ELAVL3: variants seen among roughly 807,000 people sequenced by gnomAD.
ELAVL3 encodes ELAV like RNA binding protein 3, also known as ELAV-like protein 3.
ELAVL3 carries 8 observed loss-of-function variants against 34.2 expected under a neutral mutation model. The ratio of observed to expected loss-of-function variants is 0.23; its 90% CI spans 0.14 to 0.42. ELAVL3 has a LOEUF of 0.42. Ranked by LOEUF, ELAVL3 falls within the 10% of genes least tolerant of loss-of-function variation. The pLI, the probability that ELAVL3 is intolerant of heterozygous loss-of-function variation, is 1.00. For missense variants in ELAVL3, 273 were observed against 518.8 expected, an observed-to-expected ratio of 0.53 and a Z score of 4.60; for synonymous variants, 209 against 222.1, an observed-to-expected ratio of 0.94 and a Z score of 0.53.
chr19:11,471,410 C>G (rs888884612), intron 1 of ELAVL3, among the ~76,000 whole-genome samples: 4 of 148,490 alleles, frequency 2.7e-5, no homozygotes, highest in African/African-American at 9.9e-5. Context: ...TTCAGGAGTT[C>G]GAGACCAGCC....
intron 3 of ELAVL3, among the ~76,000 whole-genome samples, chr19:11,459,066 G>GC (rs1336035130): frequency 2.0e-5 from 3 of 151,278 alleles, no homozygotes; most frequent in African/African-American, 7.3e-5. Flanking sequence ...TACCGCCTAA[G>GC]CCCCGCAAGT....
At chr19:11,478,625 C>T (rs529850101) in intron 1 of ELAVL3, among the ~76,000 whole-genome samples, 5 of 152,272 alleles carry the variant, frequency 3.3e-5, no homozygotes, top group East Asian at 1.9e-4. Flanking sequence ...CTCTCTCCCT[C>T]TTTCTTCCTC....
At position 11,452,528 on chromosome 19, in the gene ELAVL3, T is replaced by C. The variant is rs1010161272; in HGVS notation, c.*1998A>G. On this transcript the variant is annotated 3_prime_UTR_variant, in exon 7 of 7. Transcript: ENST00000359227. ...ATCTCTTCTGTGTGTTTTCTTTTTT[T>C]GTTGCTTTTTTTTCCTCTTCTGTTT... The C allele has an allele frequency of 2.0e-5, 3 of 151,972 alleles. No homozygotes were observed. Among genetic ancestry groups the C allele is most frequent in the African/African-American group, 7.2e-5 (3 of 41,388 alleles). 9.4% of individuals were successfully genotyped at this position (151,972 alleles called of 1,614,324 possible). A position where few individuals can be genotyped will look rare whatever the true frequency, so the allele number is the denominator to read the frequency against.
intron 1 of ELAVL3, among the ~76,000 whole-genome samples, chr19:11,471,309 C>CAA (rs200546282): frequency 7.5e-6 from 1 of 132,956 alleles, no homozygotes; most frequent in South Asian, 2.4e-4. Context: ...GACTCCATCT[C>CAA]AAAAAAAAAA....
At position 11,457,098 on chromosome 19, in the gene ELAVL3, G is replaced by A; in HGVS notation, c.752+12C>T. ...GTGAGGGGTGGGGACAGTGGGGCGG[G>A]GTCACTGTTACCTCTTGACGCCGTA... On this transcript the variant is annotated intron_variant, in intron 6 of 6. Transcript: ENST00000359227. 6.6e-7 allele frequency: 1 copy of A among 1,513,858 alleles called. No homozygotes were observed. The highest frequency in any genetic ancestry group is 1.3e-5 in the South Asian group (1 of 75,178). The allele number at this position is 1,513,858 out of a possible 1,614,324, so 93.8% of individuals were successfully genotyped here.
intron 1 of ELAVL3, among the ~76,000 whole-genome samples, chr19:11,474,215 G>A (rs1285225772): frequency 6.6e-6 from 1 of 151,036 alleles, no homozygotes; most frequent in African/African-American, 2.4e-5. Flanking sequence ...TTAATTTTTT[G>A]TAGAGATGGG....
At chr19:11,472,712 AAAGAAG>A (rs906213049) in intron 1 of ELAVL3, among the ~76,000 whole-genome samples, 4 of 151,924 alleles carry the variant, frequency 2.6e-5, no homozygotes, top group East Asian at 1.9e-4. Flanking sequence ...CAAAAAAGAA[AAAGAAG>A]AAGAAGAAGA....
chr19:11,480,258 T>TCTGGTGCGGCC lies in ELAVL3; in HGVS notation c.9+341_9+342insGGCCGCACCAG. 3.4e-6 allele frequency: 1 copy of TCTGGTGCGGCC among 294,514 alleles called. No individual in the cohort carries two copies. Among genetic ancestry groups the TCTGGTGCGGCC allele is most frequent in the Non-Finnish European group, 6.3e-6 (1 of 159,402 alleles). The allele number at this position is 294,514 out of a possible 1,614,324, so 18.2% of individuals were successfully genotyped here. On this transcript the variant is annotated intron_variant, in intron 1 of 6. Coordinates refer to ENST00000359227, the MANE Select transcript of ELAVL3 (RefSeq NM_001420.4). This position sits in a 1 kb window ranked among gnomAD's most constrained non-coding sequence, Gnocchi z 6.8. ...GGGCCCTGCGTTTGCCTGGGCGGCC[T>TCTGGTGCGGCC]GCGGGGTCTGGGCCTGGATGGAGGA...
intron 1 of ELAVL3, among the ~76,000 whole-genome samples, chr19:11,468,892 T>C (rs1339405971): frequency 6.6e-6 from 1 of 152,140 alleles, no homozygotes; most frequent in Non-Finnish European, 1.5e-5. Context: ...TGACTTTTTT[T>C]TTACATCAAT....
Position 11,480,550 on chromosome 19 carries a change from C to T in ELAVL3, c.9+50G>A. ...CCGCCCAATCTCCGCGGAGCCTGGG[C>T]CCAACTCCTCCCCGTCCCGATTCCC... On this transcript the variant is annotated intron_variant, in intron 1 of 6. Coordinates refer to ENST00000359227, the MANE Select transcript of ELAVL3 (RefSeq NM_001420.4). This position sits in a 1 kb window ranked among gnomAD's most constrained non-coding sequence, Gnocchi z 6.8. The T allele has an allele frequency of 6.7e-7, 1 of 1,493,624 alleles. No individual in the cohort carries two copies. The highest frequency in any genetic ancestry group is 8.9e-7 in the Non-Finnish European group (1 of 1,120,286). The allele number at this position is 1,493,624 out of a possible 1,614,324, so 92.5% of individuals were successfully genotyped here.
Position 11,458,964 on chromosome 19 carries a change from T to TA in ELAVL3, c.334-354dup, listed in dbSNP as rs55776936. ...ACAAACATTGACCTTTTTTTTTTTTTAAAGACAGGATCTCACTTTTTTACC... is the reference window on the plus strand; with the variant it reads ...ACAAACATTGACCTTTTTTTTTTTTTAAAAGACAGGATCTCACTTTTTTACC... On this transcript the variant is annotated intron_variant, in intron 3 of 6. Coordinates refer to ENST00000359227, the MANE Select transcript of ELAVL3 (RefSeq NM_001420.4). The surrounding 1 kb of genome is among the most constrained non-coding windows in gnomAD (Gnocchi z 7.3). Among the ~76,000 whole-genome samples, 20,890 of 150,614 alleles carry TA rather than the reference T, an allele frequency of 0.14. 2,093 individuals are homozygous for TA. Among genetic ancestry groups the TA allele is most frequent in the African/African-American group, 0.27 (11,046 of 40,750 alleles).
intron 3 of ELAVL3, among the ~76,000 whole-genome samples, chr19:11,463,968 C>CA (rs945775123): frequency 3.5e-5 from 5 of 141,288 alleles, no homozygotes; most frequent in East Asian, 2.0e-4. Flanking sequence ...GACTCTGTCT[C>CA]AAAAAAAACC....
rs1970722168 is a variant in ELAVL3 at position 11,454,419 on chromosome 19, G to A, written c.*107C>T. ...ACGTGGGGCCCTCGCGTCGTCCGTG[G>A]GGCTGCCTGTGCTGTCTCTCTTGGG... On this transcript the variant is annotated 3_prime_UTR_variant, in exon 7 of 7. Transcript: ENST00000359227. This position sits in a 1 kb window ranked among gnomAD's most constrained non-coding sequence, Gnocchi z 9.2. The A allele has an allele frequency of 4.4e-6, 5 of 1,146,942 alleles. No homozygotes were observed. The highest frequency in any genetic ancestry group is 6.0e-6 in the Non-Finnish European group (5 of 832,520). The allele number at this position is 1,146,942 out of a possible 1,614,324, so 71.0% of individuals were successfully genotyped here.
In ELAVL3 at chr19:11,470,342, G is replaced by A. The variant is rs1024390144; in HGVS notation, c.10-3515C>T. ...TGCACTCCAGGCTGGGTGACAGAGC[G>A]AGACCCCATCTAAAAATAATAGTAA... On this transcript the variant is annotated intron_variant, in intron 1 of 6. Transcript: ENST00000359227. Among the ~76,000 whole-genome samples, 186 of 151,946 alleles carry A rather than the reference G, an allele frequency of 1.2e-3. 3 individuals carry two copies. Among genetic ancestry groups the A allele is most frequent in the African/African-American group, 2.3e-3 (94 of 41,440 alleles).
chr19:11,457,304 G>A (rs1324080856), intron 5 of ELAVL3, among the ~76,000 whole-genome samples, 156 bp from the exon 6 acceptor site: 1 of 151,914 alleles, frequency 6.6e-6, no homozygotes, highest in African/African-American at 2.4e-5. Context: ...ACACTGCCTG[G>A]CACGGAACCG....
chr19:11,457,222 T>TCCCCAC, intron 5 of ELAVL3, 74 bp from the exon 6 acceptor site: 1 of 1,348,402 alleles, frequency 7.4e-7, no homozygotes, highest in Non-Finnish European at 9.7e-7. Context: ...CGGCCTGCCC[T>TCCCCAC]CCCCACCCCC....
chr19:11,451,913 GA>G lies in ELAVL3; in HGVS notation c.*2612del, dbSNP rs1232434620. On this transcript the variant is annotated 3_prime_UTR_variant, in exon 7 of 7. Coordinates refer to ENST00000359227, the MANE Select transcript of ELAVL3 (RefSeq NM_001420.4). ...CGCCCTGCTGCAAGCTTCCCACGCG[GA>G]CGTGCGTGTTCCCGAATGCAGAGGG... 1 of 152,126 alleles carries G rather than the reference GA, an allele frequency of 6.6e-6. No individual in the cohort carries two copies. Among genetic ancestry groups the G allele is most frequent in the Non-Finnish European group, 1.5e-5 (1 of 67,990 alleles). The allele number at this position is 152,126 out of a possible 1,614,324, so 9.4% of individuals were successfully genotyped here. A position where few individuals can be genotyped will look rare whatever the true frequency, so the allele number is the denominator to read the frequency against.
In ELAVL3 at chr19:11,480,579, C is replaced by T. The variant is rs1169790485; in HGVS notation, c.9+21G>A. 1 of 1,503,670 alleles carries T rather than the reference C, an allele frequency of 6.7e-7. No individual in the cohort carries two copies. Among genetic ancestry groups the T allele is most frequent in the South Asian group, 1.3e-5 (1 of 77,024 alleles). 93.1% of individuals were successfully genotyped at this position (1,503,670 alleles called of 1,614,324 possible). A position where few individuals can be genotyped will look rare whatever the true frequency, so the allele number is the denominator to read the frequency against. On this transcript the variant is annotated intron_variant, in intron 1 of 6. Coordinates refer to ENST00000359227, the MANE Select transcript of ELAVL3 (RefSeq NM_001420.4). This position sits in a 1 kb window ranked among gnomAD's most constrained non-coding sequence, Gnocchi z 6.8. ...ACTCCTCCCCGTCCCGATTCCCTTT[C>T]GGCGACAGGGGAATACCTACAGTGA...
chr19:11,468,868 A>G (rs1971108154), intron 1 of ELAVL3, among the ~76,000 whole-genome samples: 1 of 151,954 alleles, frequency 6.6e-6, no homozygotes, highest in African/African-American at 2.4e-5. Flanking sequence ...TTAAAAAAGG[A>G]TGTTGAATTT....
Sources: gnomAD v4.1 joint callset for allele counts (sites outside exome capture counted in the v4.1 genomes callset) on GRCh38, gnomAD v4.1.1 for gene constraint, Gnocchi (gnomAD v3.1) non-coding constraint, MANE v1.5 for transcripts, NCBI Gene and HGNC (gene_info 2026-07-23, HGNC 2026-07-21) for gene names.